HHLA2: variants seen among roughly 807,000 people sequenced by gnomAD.
HHLA2 encodes HHLA2 member of B7 family.
HHLA2 carries 48 observed loss-of-function variants against 45.9 expected under a neutral mutation model. That is an observed-to-expected ratio of 1.05 (90% CI 0.83 to 1.33). The LOEUF (loss-of-function observed/expected upper bound fraction) is 1.33, where lower values mean the gene tolerates loss of function less well. HHLA2 is among the 40% of genes most tolerant of loss of function. The pLI is 0.00. For synonymous variants in HHLA2, 161 were observed against 173.9 expected, an observed-to-expected ratio of 0.93 and a Z score of 0.59; for missense variants, 462 against 494.3, an observed-to-expected ratio of 0.93 and a Z score of 0.62.
intron 2 of HHLA2, chr3:108,328,153 A>G: frequency 2.0e-6 from 1 of 509,956 alleles, no homozygotes; most frequent in East Asian, 3.4e-5. Flanking sequence ...AAAAAGTTGT[A>G]GAAGTAATTT....
intron 2 of HHLA2, among the ~76,000 whole-genome samples, chr3:108,321,091 T>TAAAAAAAGAAAAAAAAAAAAA (rs2081191778): frequency 9.9e-6 from 1 of 101,428 alleles, no homozygotes; most frequent in Non-Finnish European, 2.0e-5. Flanking sequence ...TCCAGGTGTT[T>TAAAAAAAGAAAAAAAAAAAAA]AAAAAAAAAA....
chr3:108,374,179 TCTAC>T (rs1399376192), intron 8 of HHLA2, among the ~76,000 whole-genome samples: 1 of 150,688 alleles, frequency 6.6e-6, no homozygotes, highest in Non-Finnish European at 1.5e-5. Flanking sequence ...ATGCCGCATA[TCTAC>T]AACCATCTGA....
chr3:108,355,021 T>A, intron 5 of HHLA2, 94 bp from the exon 5 acceptor site: 1 of 1,339,892 alleles, frequency 7.5e-7, no homozygotes, highest in Non-Finnish European at 1.0e-6. Context: ...ATTTAGCTTT[T>A]CATTTCATGG....
intron 1 of HHLA2, among the ~76,000 whole-genome samples, chr3:108,300,358 T>C (rs964756040): frequency 2.6e-5 from 4 of 152,110 alleles, no homozygotes; most frequent in Non-Finnish European, 5.9e-5. Flanking sequence ...ATAGAAAGGA[T>C]TTCACCACAA....
intron 8 of HHLA2, among the ~76,000 whole-genome samples, chr3:108,374,352 G>T (rs890013061): frequency 6.6e-6 from 1 of 151,982 alleles, no homozygotes; most frequent in Non-Finnish European, 1.5e-5. Flanking sequence ...AGATTTACAT[G>T]TTTGACCTAA....
At chr3:108,364,013 A>C (rs988261622) in intron 8 of HHLA2, among the ~76,000 whole-genome samples, 1 of 151,678 alleles carries the variant, frequency 6.6e-6, no homozygotes, top group South Asian at 2.1e-4. Flanking sequence ...TCTGGGATAC[A>C]TGTGCTGAAC....
At chr3:108,316,926 A>C (rs1318608798) in intron 2 of HHLA2, among the ~76,000 whole-genome samples, 1 of 152,176 alleles carries the variant, frequency 6.6e-6, no homozygotes, top group Non-Finnish European at 1.5e-5. Context: ...GAGAGATAGG[A>C]GGATAGAAAA....
intron 8 of HHLA2, among the ~76,000 whole-genome samples, chr3:108,371,653 A>T (rs1338057756): frequency 6.6e-6 from 1 of 152,110 alleles, no homozygotes; most frequent in Non-Finnish European, 1.5e-5. Context: ...AATGACAAAC[A>T]AAAAAATGCA....
intron 2 of HHLA2, chr3:108,325,441 C>A: frequency 2.6e-6 from 1 of 386,532 alleles, no homozygotes; most frequent in Admixed American, 2.8e-5. Flanking sequence ...TCTGTTGTAA[C>A]CTGTACCTCC....
At chr3:108,336,585 G>A (rs1171125922) in intron 3 of HHLA2, among the ~76,000 whole-genome samples, 4 of 152,098 alleles carry the variant, frequency 2.6e-5, no homozygotes, top group Non-Finnish European at 5.9e-5. Context: ...GCAGAAAGTG[G>A]GATACTGTGT....
chr3:108,328,511 G>A (rs2081329717), intron 3 of HHLA2, among the ~76,000 whole-genome samples: 2 of 152,102 alleles, frequency 1.3e-5, no homozygotes, highest in Admixed American at 6.6e-5. Flanking sequence ...GTTACTAGAT[G>A]TGAAACTGAG....
chr3:108,362,870 T>C (rs1397553283), intron 8 of HHLA2, among the ~76,000 whole-genome samples: 1 of 152,130 alleles, frequency 6.6e-6, no homozygotes, highest in Non-Finnish European at 1.5e-5. Flanking sequence ...AGCTTTAAGA[T>C]GTTGCCTTTG....
chr3:108,376,529 G>A (rs772986133), exon 10 of HHLA2: 12 of 1,612,426 alleles, frequency 7.4e-6, no homozygotes, highest in South Asian at 3.3e-5. Context: ...CGCTGTCCCA[G>A]TGCACCCGAT....
At chr3:108,369,883 G>C (rs530429964) in intron 8 of HHLA2, among the ~76,000 whole-genome samples, 84 of 152,310 alleles carry the variant, frequency 5.5e-4, no homozygotes, top group African/African-American at 1.9e-3. Context: ...TCCACCTCTG[G>C]GGGCAGGGCA....
intron 2 of HHLA2, among the ~76,000 whole-genome samples, chr3:108,315,909 G>A (rs1247513625): frequency 6.6e-6 from 1 of 152,096 alleles, no homozygotes; most frequent in East Asian, 1.9e-4. Context: ...GTAATCTAAG[G>A]TAGCAGAAGA....
chr3:108,309,447 C>A (rs944031676), intron 1 of HHLA2, among the ~76,000 whole-genome samples: 1 of 152,016 alleles, frequency 6.6e-6, no homozygotes, highest in South Asian at 2.1e-4. Context: ...TAATGTGATT[C>A]CTCCTGTTTT....
exon 11 of HHLA2, chr3:108,377,322 T>C (rs1560291560): frequency 6.8e-7 from 1 of 1,476,980 alleles, no homozygotes; most frequent in Admixed American, 1.8e-5. Context: ...GCATCCTTAA[T>C]ATCCAGTGAC....
At chr3:108,373,576 A>G (rs1388965271) in intron 8 of HHLA2, among the ~76,000 whole-genome samples, 1 of 152,076 alleles carries the variant, frequency 6.6e-6, no homozygotes, top group Non-Finnish European at 1.5e-5. Context: ...TATCTAGAAA[A>G]CCTCATCGTC....
chr3:108,311,011 T>C (rs544926682), intron 2 of HHLA2, among the ~76,000 whole-genome samples: 4 of 152,334 alleles, frequency 2.6e-5, no homozygotes, highest in Non-Finnish European at 4.4e-5. Context: ...TAAGAACATT[T>C]ACAGAAATCT....
Sources: allele counts gnomAD v4.1 joint callset (sites outside exome capture counted in the v4.1 genomes callset), GRCh38; gene constraint gnomAD v4.1.1; transcripts MANE v1.5; gene names NCBI Gene and HGNC (gene_info 2026-07-23, HGNC 2026-07-21).